CRACD: variants seen among roughly 807,000 people sequenced by gnomAD.
CRACD encodes capping protein inhibiting regulator of actin dynamics, also known as capping protein-inhibiting regulator of actin dynamics.
A neutral mutation model predicts 106.8 loss-of-function variants in CRACD; 56 were observed. The observed-to-expected ratio is 0.52, with a 90% confidence interval of 0.42 to 0.66. The LOEUF is 0.66. CRACD is among the 30% of genes least tolerant of loss of function. CRACD has a pLI of 0.00. For missense variants in CRACD, 1,730 were observed against 1,623.2 expected, an observed-to-expected ratio of 1.07 and a Z score of -1.13; for synonymous variants, 754 against 670.8, an observed-to-expected ratio of 1.12 and a Z score of -1.92.
intron 3 of CRACD, among the ~76,000 whole-genome samples, chr4:56,281,741 G>A (rs1025623380): frequency 6.6e-6 from 1 of 152,146 alleles, no homozygotes; most frequent in South Asian, 2.1e-4. Flanking sequence ...ATGGGGAAAC[G>A]TAGGAGTGGA....
intron 2 of CRACD, among the ~76,000 whole-genome samples, chr4:56,189,642 T>TG (rs1372189079): frequency 2.7e-5 from 4 of 145,866 alleles, no homozygotes; most frequent in Admixed American, 2.1e-4. Context: ...AGTGAGAACA[T>TG]GCGGTGTTTG....
At chr4:56,087,311 C>T (rs1157943052) in intron 1 of CRACD, among the ~76,000 whole-genome samples, 6 of 152,172 alleles carry the variant, frequency 3.9e-5, no homozygotes, top group Admixed American at 3.9e-4. Flanking sequence ...CCGCGCCCAG[C>T]CCTAAAGGAG....
chr4:56,162,387 T>C (rs529526012), intron 1 of CRACD, among the ~76,000 whole-genome samples: 81 of 151,908 alleles, frequency 5.3e-4, no homozygotes, highest in Non-Finnish European at 1.0e-3. Flanking sequence ...TTGTTTTTGT[T>C]TTAAGAAATA....
intron 2 of CRACD, among the ~76,000 whole-genome samples, chr4:56,181,707 C>T (rs750916333): frequency 1.3e-5 from 2 of 152,174 alleles, no homozygotes; most frequent in African/African-American, 2.4e-5. Flanking sequence ...TGGCAATCCT[C>T]GGCGTTCCTG....
At chr4:56,178,257 C>T (rs1736669777) in intron 1 of CRACD, among the ~76,000 whole-genome samples, 1 of 152,132 alleles carries the variant, frequency 6.6e-6, no homozygotes, top group South Asian at 2.1e-4. Context: ...CTGGGATCGC[C>T]TCAGCCTGTA....
Position 56,270,437 on chromosome 4 carries a change from A to G in CRACD, c.-188-1884A>G, listed in dbSNP as rs1412556889. 2.6e-5 allele frequency among the ~76,000 whole-genome samples: 4 copies of G among 152,182 alleles called. No individual in the cohort carries two copies. In the East Asian group the frequency reaches 7.7e-4, roughly 29 times the overall value. Reference sequence around the variant, plus strand: ...AATGAGACGTCTGGCTTGTTTCCTCACTGACCTCATTTGTGTGCCTGGATT... The same window carrying G: ...AATGAGACGTCTGGCTTGTTTCCTCGCTGACCTCATTTGTGTGCCTGGATT... On this transcript the variant is annotated intron_variant, in intron 2 of 10. Transcript: ENST00000682029.
chr4:56,050,310 GTGTGTA>G (rs1473551276), intron 1 of CRACD, among the ~76,000 whole-genome samples: 13 of 141,778 alleles, frequency 9.2e-5, no homozygotes, highest in South Asian at 2.2e-4. Context: ...GTGTGTGTGT[GTGTGTA>G]TTGGGGGTGG....
chr4:56,169,705 T>C (rs891656449), intron 1 of CRACD, among the ~76,000 whole-genome samples: 1 of 152,126 alleles, frequency 6.6e-6, no homozygotes, highest in Non-Finnish European at 1.5e-5. Context: ...GCCATGTTGC[T>C]CAGGCTCGTC....
intron 8 of CRACD, among the ~76,000 whole-genome samples, chr4:56,319,419 C>A (rs911143874): frequency 2.0e-5 from 3 of 151,718 alleles, no homozygotes; most frequent in African/African-American, 7.3e-5. Context: ...ACCAGCCTGG[C>A]AATGTGGCAA....
At chr4:56,274,117 G>A (rs186890850) in intron 3 of CRACD, among the ~76,000 whole-genome samples, 13 of 152,134 alleles carry the variant, frequency 8.5e-5, no homozygotes, top group Non-Finnish European at 1.3e-4. Context: ...TTAATTTGAC[G>A]CAGGGAAAGA....
At chr4:56,305,381 G>A (rs542933039) in intron 4 of CRACD, among the ~76,000 whole-genome samples, 1 of 152,210 alleles carries the variant, frequency 6.6e-6, no homozygotes, top group East Asian at 1.9e-4. Flanking sequence ...TGGGCTGGGC[G>A]GACACAGGAA....
chr4:56,280,843 C>T (rs1041086364), intron 3 of CRACD, among the ~76,000 whole-genome samples: 19 of 152,190 alleles, frequency 1.2e-4, no homozygotes, highest in African/African-American at 2.4e-4. Flanking sequence ...CCCTGCTTAC[C>T]GTTGTTTGCA....
intron 1 of CRACD, among the ~76,000 whole-genome samples, chr4:56,081,215 C>T (rs1276592832): frequency 1.3e-5 from 2 of 152,104 alleles, no homozygotes; most frequent in East Asian, 3.9e-4. Flanking sequence ...TACTACTTTG[C>T]CTAGGACCCA....
chr4:56,136,098 A>G (rs889549008), intron 1 of CRACD, among the ~76,000 whole-genome samples: 1 of 151,882 alleles, frequency 6.6e-6, no homozygotes, highest in Non-Finnish European at 1.5e-5. Flanking sequence ...TTGTATATCA[A>G]TAGTTTGTTC....
In CRACD at chr4:56,175,181, A is replaced by G. The variant is rs1417070067; in HGVS notation, c.-335-4103A>G. 2.6e-5 allele frequency among the ~76,000 whole-genome samples: 4 copies of G among 152,266 alleles called. No homozygotes were observed. In the South Asian group the frequency reaches 6.2e-4, roughly 24 times the overall value. Reference sequence around the variant, plus strand: ...CACTGATGTTCTTTTGGATATATTAACATATGCAGCAGTGAGATTGCTGGA... The same window carrying G: ...CACTGATGTTCTTTTGGATATATTAGCATATGCAGCAGTGAGATTGCTGGA... On this transcript the variant is annotated intron_variant, in intron 1 of 10. Coordinates refer to ENST00000682029, the MANE Select transcript of CRACD (RefSeq NM_001393381.1).
At chr4:56,141,262 G>A (rs1413878892) in intron 1 of CRACD, among the ~76,000 whole-genome samples, 1 of 152,156 alleles carries the variant, frequency 6.6e-6, no homozygotes, top group Non-Finnish European at 1.5e-5. Flanking sequence ...GAGACTGACT[G>A]GAAGATGCAG....
chr4:56,170,072 A>G (rs565160792), intron 1 of CRACD: 2 of 152,988 alleles, frequency 1.3e-5, no homozygotes, highest in East Asian at 3.8e-4. Context: ...AACCACAACA[A>G]AAAACCCTCC....
chr4:56,095,988 G>T (rs1429682609), intron 1 of CRACD, among the ~76,000 whole-genome samples: 1 of 152,170 alleles, frequency 6.6e-6, no homozygotes, highest in Non-Finnish European at 1.5e-5. Context: ...GAGAGTCAAG[G>T]ATGATGCCAG....
Position 56,315,171 on chromosome 4 carries a change from C to T in CRACD, c.1669C>T (p.Pro557Ser). 6.3e-7 allele frequency: 1 copy of T among 1,598,796 alleles called. No individual in the cohort carries two copies. Among genetic ancestry groups the T allele is most frequent in the Non-Finnish European group, 8.5e-7 (1 of 1,173,350 alleles). The change falls in exon 8 of 11, where the codon CCC (proline) becomes TCC (serine). Residue 557 changes from proline (P) to serine (S), a missense_variant. Pro to Ser is a moderately conservative substitution (Grantham distance 74, BLOSUM62 -1). Transcript: ENST00000682029. The surrounding 1 kb of genome is among the most constrained non-coding windows in gnomAD (Gnocchi z 4.1). The part of the protein sequence containing the change: ...QILFPKVNLS[P>S]VTPAKDTGLT... The stretch of plus-strand genomic sequence containing the variant: ...TCTCTTTCCCAAAGTCAACCTGAGC[C>T]CCGTGACGCCCGCAAAGGACACGGG...
Sources: gnomAD v4.1 joint callset for allele counts (sites outside exome capture counted in the v4.1 genomes callset) on GRCh38, gnomAD v4.1.1 for gene constraint, Gnocchi (gnomAD v3.1) non-coding constraint, MANE v1.5 for transcripts, NCBI Gene and HGNC (gene_info 2026-07-23, HGNC 2026-07-21) for gene names.